DNAAF11: variants seen among roughly 807,000 people sequenced by gnomAD.
The protein encoded by DNAAF11 is dynein axonemal assembly factor 11, also known as leucine rich repeat containing 6.
In DNAAF11, 45 loss-of-function variants were observed where a neutral mutation model predicts 60.8. That is an observed-to-expected ratio of 0.74 (90% CI 0.58 to 0.95). The LOEUF is 0.95. DNAAF11 is among the 40% of genes least tolerant of loss of function. The pLI, the probability that DNAAF11 is intolerant of heterozygous loss-of-function variation, is 0.00. For missense variants in DNAAF11, 546 were observed against 546.2 expected, an observed-to-expected ratio of 1.00 and a Z score of 0.00; for synonymous variants, 191 against 183.5, an observed-to-expected ratio of 1.04 and a Z score of -0.33.
chr8:132,596,847 C>A (rs1332980956), intron 10 of DNAAF11, among the ~76,000 whole-genome samples: 1 of 152,320 alleles, frequency 6.6e-6, no homozygotes, highest in South Asian at 2.1e-4. Context: ...TGGTTCCCAG[C>A]CTCGAAGGGA....
chr8:132,674,521 C>T (rs527563869), intron 1 of DNAAF11, among the ~76,000 whole-genome samples: 1 of 152,280 alleles, frequency 6.6e-6, no homozygotes, highest in South Asian at 2.1e-4. Flanking sequence ...AAAACGTTGT[C>T]GATATCAAAA....
At chr8:132,655,459 C>T (rs530076195) in intron 3 of DNAAF11, among the ~76,000 whole-genome samples, 7 of 152,030 alleles carry the variant, frequency 4.6e-5, no homozygotes. Flanking sequence ...AACAAACAAA[C>T]AAACTATAGA....
the DNAAF11 span, among the ~76,000 whole-genome samples, chr8:132,701,161 A>T: frequency 6.6e-6 from 1 of 152,200 alleles, no homozygotes; most frequent in Non-Finnish European, 1.5e-5. Flanking sequence ...GCACTGTTAC[A>T]ATGGCAATTA....
At chr8:132,578,031 T>C (rs1197074707) in intron 11 of DNAAF11, among the ~76,000 whole-genome samples, 1 of 152,076 alleles carries the variant, frequency 6.6e-6, no homozygotes. Flanking sequence ...ACCTTCATTA[T>C]AGTCATTATA....
chr8:132,586,369 G>C (rs1815891725), intron 10 of DNAAF11, among the ~76,000 whole-genome samples: 1 of 916 alleles, frequency 1.1e-3, no homozygotes, highest in African/African-American at 4.5e-3. Context: ...AATGCGGTTA[G>C]TGCAACTTAA....
chr8:132,596,076 A>G (rs749119567), intron 10 of DNAAF11, among the ~76,000 whole-genome samples: 1 of 152,202 alleles, frequency 6.6e-6, no homozygotes, highest in Non-Finnish European at 1.5e-5. Flanking sequence ...AGGTCTGCAG[A>G]AGGAAATCAT....
At chr8:132,691,325 C>T in the DNAAF11 span, among the ~76,000 whole-genome samples, 1 of 152,130 alleles carries the variant, frequency 6.6e-6, no homozygotes, top group Admixed American at 6.5e-5. Context: ...TGACCTATAC[C>T]TGTCATTATG....
the DNAAF11 span, among the ~76,000 whole-genome samples, chr8:132,702,405 A>AC: frequency 6.6e-6 from 1 of 152,188 alleles, no homozygotes; most frequent in Non-Finnish European, 1.5e-5. Context: ...TACCATTCTA[A>AC]CTTGTGTTAA....
At chr8:132,692,799 T>C in the DNAAF11 span, among the ~76,000 whole-genome samples, 2 of 152,194 alleles carry the variant, frequency 1.3e-5, no homozygotes, top group Non-Finnish European at 2.9e-5. Context: ...TTCCTGACTT[T>C]CCTTTCCTCC....
the DNAAF11 span, among the ~76,000 whole-genome samples, chr8:132,700,581 G>A: frequency 6.6e-6 from 1 of 151,970 alleles, no homozygotes; most frequent in African/African-American, 2.4e-5. Context: ...CCAGCTACTT[G>A]GGAGGCTGAG....
At chr8:132,660,246 CTTTAAG>C (rs1824000858) in intron 2 of DNAAF11, among the ~76,000 whole-genome samples, 1 of 151,430 alleles carries the variant, frequency 6.6e-6, no homozygotes, top group Admixed American at 6.6e-5. Flanking sequence ...TTTAATTATA[CTTTAAG>C]TTTTAGGGTA....
intron 1 of DNAAF11, among the ~76,000 whole-genome samples, chr8:132,669,327 AC>A (rs111424095): frequency 1.1e-4 from 16 of 152,312 alleles, no homozygotes; most frequent in African/African-American, 3.8e-4. Context: ...TGGCAAGGAC[AC>A]TGTTATTCCT....
At chr8:132,695,238 G>A in the DNAAF11 span, among the ~76,000 whole-genome samples, 4,462 of 152,236 alleles carry the variant, frequency 0.029, 256 homozygotes, top group African/African-American at 0.1. Flanking sequence ...TGTAAGCAGA[G>A]GAATGGAGGA....
intron 4 of DNAAF11, among the ~76,000 whole-genome samples, chr8:132,633,663 C>T (rs1217321699): frequency 6.6e-6 from 1 of 152,056 alleles, no homozygotes; most frequent in Non-Finnish European, 1.5e-5. Context: ...GCAAAAGGGG[C>T]TTTACAGGTG....
chr8:132,576,132 T>C lies in DNAAF11; in HGVS notation c.1227-3652A>G, dbSNP rs151117259. On this transcript the variant is annotated intron_variant, in intron 11 of 11. Coordinates refer to ENST00000620350, the MANE Select transcript of DNAAF11 (RefSeq NM_012472.6). ...ATGATGTTTAACAACCTATTTACTA[T>C]ATTTAGTGTCATGTAAATGTAGTTA... Among the ~76,000 whole-genome samples, 202 of 152,350 alleles carry C rather than the reference T, an allele frequency of 1.3e-3. No homozygotes were observed. In the Middle Eastern group the frequency reaches 0.014, roughly 10 times the overall value.
At chr8:132,699,514 T>C in the DNAAF11 span, among the ~76,000 whole-genome samples, 1 of 152,172 alleles carries the variant, frequency 6.6e-6, no homozygotes, top group Non-Finnish European at 1.5e-5. Context: ...GACTGCAGCC[T>C]GGAAGAGTGA....
the DNAAF11 span, among the ~76,000 whole-genome samples, chr8:132,701,547 C>G: frequency 1.3e-5 from 2 of 152,154 alleles, no homozygotes; most frequent in Admixed American, 1.3e-4. Flanking sequence ...AGCTCCTGAG[C>G]TGCATGGACC....
chr8:132,659,836 G>A (rs1004463165), intron 2 of DNAAF11, among the ~76,000 whole-genome samples: 3 of 151,978 alleles, frequency 2.0e-5, no homozygotes, highest in Non-Finnish European at 4.4e-5. Context: ...CGGGGGGTGG[G>A]GGAGCATCCT....
At chr8:132,638,414 A>T (rs1206871002) in intron 3 of DNAAF11, among the ~76,000 whole-genome samples, 1 of 152,190 alleles carries the variant, frequency 6.6e-6, no homozygotes. Context: ...TGGCATGAAA[A>T]AAGGAAAAGT....
Sources: gnomAD v4.1 joint callset for allele counts (sites outside exome capture counted in the v4.1 genomes callset) on GRCh38, gnomAD v4.1.1 for gene constraint, MANE v1.5 for transcripts, NCBI Gene and HGNC (gene_info 2026-07-23, HGNC 2026-07-21) for gene names.